Variants in VPS8 observed in about 807,000 individuals in gnomAD.
VPS8 encodes VPS8 subunit of CORVET complex.
VPS8 carries 129 observed loss-of-function variants against 216.4 expected under a neutral mutation model. The observed-to-expected ratio is 0.60, with a 90% CI of 0.52 to 0.69. The LOEUF (loss-of-function observed/expected upper bound fraction) is 0.69. Ranked by LOEUF, VPS8 falls within the 30% of genes least tolerant of loss-of-function variation. The probability of loss-of-function intolerance (pLI) is 0.00; values close to 1 mark genes in which losing one functional copy is unlikely to be tolerated. For missense variants in VPS8, 1,531 were observed against 1,683.5 expected (o/e 0.91, Z 1.59); for synonymous variants, 571 against 565.4 (o/e 1.01, Z -0.14).
At position 184,842,186 on chromosome 3, in the gene VPS8, C is replaced by CAAAAAAAAAAAAAAA. The variant is rs71162267; in HGVS notation, c.536-1045_536-1031dup. Reference sequence around the variant, plus strand: ...TGGGTGACAGAGCGAGACTCCGTCTCAAAAAAAAAAAAAAAAAAAAAAAGA... The same window carrying CAAAAAAAAAAAAAAA: ...TGGGTGACAGAGCGAGACTCCGTCTCAAAAAAAAAAAAAAAAAAAAAAAAAAAAAAAAAAAAAAGA... On this transcript the variant is annotated intron_variant, in intron 7 of 47. Coordinates refer to ENST00000625842, the MANE Select transcript of VPS8 (RefSeq NM_001009921.3). Among the ~76,000 whole-genome samples the CAAAAAAAAAAAAAAA allele has an allele frequency of 6.3e-4, 31 of 48,960 alleles. 1 individual carries two copies. Among genetic ancestry groups the CAAAAAAAAAAAAAAA allele is most frequent in the East Asian group, 4.2e-3 (4 of 950 alleles). 32.1% of individuals were successfully genotyped at this position (48,960 alleles called of 152,430 possible).
intron 46 of VPS8, among the ~76,000 whole-genome samples, chr3:185,041,506 T>C (rs1272403601): frequency 6.6e-6 from 1 of 152,164 alleles, no homozygotes; most frequent in African/African-American, 2.4e-5. Context: ...GGCTACCGTC[T>C]TCTTGGATGT....
intron 7 of VPS8, among the ~76,000 whole-genome samples, chr3:184,842,244 A>AGCTTACT (rs1722324012): frequency 6.6e-6 from 1 of 150,896 alleles, no homozygotes; most frequent in Non-Finnish European, 1.5e-5. Context: ...ACTCAAGTAT[A>AGCTTACT]GCTTACTGCA....
chr3:184,953,482 C>T (rs1464829329), intron 36 of VPS8, among the ~76,000 whole-genome samples: 3 of 152,064 alleles, frequency 2.0e-5, no homozygotes, highest in Non-Finnish European at 1.5e-5. Context: ...TAAGGTTTGG[C>T]TTGTGGGCGT....
At chr3:184,936,384 A>G (rs1392880421) in intron 35 of VPS8, 49 bp downstream of exon 35, 2 of 1,456,410 alleles carry the variant, frequency 1.4e-6, no homozygotes, top group African/African-American at 2.8e-5. Context: ...TGGAAAGACA[A>G]TTATTAAATC....
intron 35 of VPS8, among the ~76,000 whole-genome samples, chr3:184,938,641 C>CTTTTTTT (rs1298836777): frequency 2.4e-4 from 33 of 138,118 alleles, no homozygotes; most frequent in Non-Finnish European, 3.2e-4. Context: ...CTTTTCTTTT[C>CTTTTTTT]TTTTTTTCTT....
chr3:184,856,212 A>G lies in VPS8; in HGVS notation c.1143+394A>G, dbSNP rs60547229. 4.6e-3 allele frequency among the ~76,000 whole-genome samples: 699 copies of G among 152,358 alleles called. 8 individuals are homozygous for G. The highest frequency in any genetic ancestry group is 0.016 in the African/African-American group (654 of 41,582). ...CAAAGGAAAGAAGGAAGTATACAAC[A>G]TAATTTCATCTTCCACACAGCTTAT... On this transcript the variant is annotated intron_variant, in intron 14 of 47. Coordinates refer to ENST00000625842, the MANE Select transcript of VPS8 (RefSeq NM_001009921.3).
At chr3:184,926,370 C>T (rs1339125530) in intron 30 of VPS8, among the ~76,000 whole-genome samples, 4 of 139,676 alleles carry the variant, frequency 2.9e-5, no homozygotes, top group Non-Finnish European at 4.5e-5. Context: ...GAGTGAGACT[C>T]TGTCTCAATA....
chr3:184,906,425 T>C (rs1735509629), intron 25 of VPS8, among the ~76,000 whole-genome samples: 1 of 152,222 alleles, frequency 6.6e-6, no homozygotes, highest in African/African-American at 2.4e-5. Flanking sequence ...GAGTGTTACA[T>C]AGATATCCGT....
At chr3:185,032,848 T>TAGTAGAGAC (rs999564621) in intron 46 of VPS8, among the ~76,000 whole-genome samples, 2 of 152,136 alleles carry the variant, frequency 1.3e-5, no homozygotes, top group Non-Finnish European at 2.9e-5. Flanking sequence ...TTTGTATTTT[T>TAGTAGAGAC]AGTAGAGACG....
intron 22 of VPS8, among the ~76,000 whole-genome samples, chr3:184,892,565 A>C (rs1429846410): frequency 6.6e-6 from 1 of 152,198 alleles, no homozygotes; most frequent in African/African-American, 2.4e-5. Flanking sequence ...TGCACTAATA[A>C]GTATTCTCCC....
At chr3:184,832,966 C>A in intron 4 of VPS8, 147 bp downstream of exon 4, 2 of 982,118 alleles carry the variant, frequency 2.0e-6, no homozygotes, top group Non-Finnish European at 2.9e-6. Context: ...AATTTTGGTA[C>A]CATTAAGGAA....
chr3:184,993,113 AAAG>A (rs1395556778), intron 42 of VPS8, among the ~76,000 whole-genome samples: 2 of 152,182 alleles, frequency 1.3e-5, no homozygotes, highest in African/African-American at 2.4e-5. Context: ...AGAGAAAAAA[AAAG>A]AAATATTTGC....
rs748622849 is a variant in VPS8 at position 185,028,311 on chromosome 3, C to T, written c.4056+3922C>T. On this transcript the variant is annotated intron_variant, in intron 46 of 47. Coordinates refer to ENST00000625842, the MANE Select transcript of VPS8 (RefSeq NM_001009921.3). ...TTAGGGGTCAGGAAAGGCTTCCCAG[C>T]GAAGATAAAGCTTGACCTAGCCTTA... is the stretch of plus-strand genomic sequence containing the variant. Among the ~76,000 whole-genome samples the T allele has an allele frequency of 3.3e-5, 5 of 152,040 alleles. No individual in the cohort carries two copies. The South Asian group carries it at 8.3e-4, about 25-fold the overall frequency.
intron 21 of VPS8, among the ~76,000 whole-genome samples, chr3:184,876,753 C>T (rs984697701): frequency 5.3e-5 from 8 of 152,180 alleles, no homozygotes; most frequent in Admixed American, 1.3e-4. Flanking sequence ...TCTGTTTCCA[C>T]CATGCTGTTA....
chr3:184,943,522 G>A (rs1231757415), intron 36 of VPS8, among the ~76,000 whole-genome samples: 2 of 152,174 alleles, frequency 1.3e-5, no homozygotes, highest in African/African-American at 4.8e-5. Context: ...TCAAGAATAG[G>A]TAGACTGGCC....
chr3:184,926,594 G>T lies in VPS8; in HGVS notation c.2575G>T (p.Val859Phe), dbSNP rs1371213458. The T allele has an allele frequency of 6.3e-7, 1 of 1,598,632 alleles. No individual in the cohort carries two copies. The highest frequency in any genetic ancestry group is 8.5e-7 in the Non-Finnish European group (1 of 1,172,230). Residue 859 changes from valine (V) to phenylalanine (F), a missense_variant and splice_region_variant, in exon 31 of 48, where the codon GTC (valine) becomes TTC (phenylalanine). Transcript: ENST00000625842. The stretch of plus-strand genomic sequence containing the variant: ...TAAAAAATACTTTTTCTTCGGCCAG[G>T]TCCTTGAATTCCTTTGTAGTCCTGA... ...LFVNRTLFDQ[V>F]LEFLCSPDDD...
At chr3:184,984,451 G>A (rs1320468021) in intron 42 of VPS8, among the ~76,000 whole-genome samples, 2 of 151,430 alleles carry the variant, frequency 1.3e-5, no homozygotes, top group Admixed American at 6.6e-5. Context: ...GTGCCACCAC[G>A]CCCAGCTGAT....
intron 36 of VPS8, among the ~76,000 whole-genome samples, chr3:184,953,854 C>A (rs2109437163): frequency 6.6e-6 from 1 of 152,194 alleles, no homozygotes; most frequent in Non-Finnish European, 1.5e-5. Flanking sequence ...GTGTGGCAGG[C>A]TGCTAAGAGA....
At chr3:184,927,823 C>T (rs143818017) in intron 31 of VPS8, among the ~76,000 whole-genome samples, 2 of 152,302 alleles carry the variant, frequency 1.3e-5, no homozygotes, top group African/African-American at 4.8e-5. Flanking sequence ...AGTCACAATA[C>T]TCGTTCTTTT....
Sources: allele counts gnomAD v4.1 joint callset (sites outside exome capture counted in the v4.1 genomes callset), GRCh38; gene constraint gnomAD v4.1.1; transcripts MANE v1.5; gene names NCBI Gene and HGNC (gene_info 2026-07-23, HGNC 2026-07-21).